PHF19: variants seen among roughly 807,000 people sequenced by gnomAD.
PHF19 encodes the protein PHD finger protein 19.
A neutral mutation model predicts 79.8 loss-of-function variants in PHF19; 21 were observed. That is an observed-to-expected ratio of 0.26 (90% confidence interval 0.19 to 0.38). The LOEUF (loss-of-function observed/expected upper bound fraction) is 0.38, where lower values mean the gene tolerates loss of function less well. PHF19 is among the 10% of genes least tolerant of loss of function. PHF19 has a pLI of 1.00. For missense variants in PHF19, 445 were observed against 744.2 expected (o/e 0.60, Z 4.68); for synonymous variants, 273 against 296.3 (o/e 0.92, Z 0.81).
chr9:120,891,804 A>T lies in PHF19; in HGVS notation c.42+2984T>A, dbSNP rs999534026. Reference sequence around the variant, plus strand: ...GGAAGCATCACAGTCACCTGGTAGAAGGATGCCTGTCTGAGCCCCACCCCA... The same window carrying T: ...GGAAGCATCACAGTCACCTGGTAGATGGATGCCTGTCTGAGCCCCACCCCA... On this transcript the variant is annotated intron_variant, in intron 1 of 14. Coordinates refer to the PHF19 transcript ENST00000616568. This position sits in a 1 kb window ranked among gnomAD's most constrained non-coding sequence, Gnocchi z 4.3. Among the ~76,000 whole-genome samples, 1 of 152,304 alleles carries T rather than the reference A, an allele frequency of 6.6e-6. No individual in the cohort carries two copies. Among genetic ancestry groups the T allele is most frequent in the East Asian group, 1.9e-4 (1 of 5,180 alleles).
rs2045392772 is a variant in PHF19 at position 120,857,770 on chromosome 9, C to A, written c.*174G>T. On this transcript the variant is annotated 3_prime_UTR_variant, in exon 15 of 15. Transcript: ENST00000373896. ...AGGAGGCCCTGGAACAGAGCTGGTA[C>A]AGCAGAGAGACGCAGGCCTTGGCCT... 7.0e-6 allele frequency: 4 copies of A among 569,174 alleles called. No homozygotes were observed. The highest frequency in any genetic ancestry group is 1.3e-5 in the Non-Finnish European group (4 of 319,954). 35.3% of individuals were successfully genotyped at this position (569,174 alleles called of 1,614,324 possible).
upstream of PHF19, chr9:120,877,373 G>A (rs1264798909): frequency 1.9e-4 from 191 of 980,680 alleles, 2 homozygotes; most frequent in South Asian, 7.6e-3. Context: ...GTAATTAGCG[G>A]GGGCCGCGCC....
At chr9:120,865,251 T>C (rs112314932) in intron 9 of PHF19, among the ~76,000 whole-genome samples, 2 of 152,202 alleles carry the variant, frequency 1.3e-5, no homozygotes, top group African/African-American at 4.8e-5. Flanking sequence ...TGGCTCCAGC[T>C]CTGGCTCAGC....
chr9:120,864,289 A>T (rs1340261658), intron 9 of PHF19, among the ~76,000 whole-genome samples, 173 bp from the exon 10 acceptor site: 1 of 152,194 alleles, frequency 6.6e-6, no homozygotes, highest in African/African-American at 2.4e-5. Flanking sequence ...GTTCATTCCC[A>T]TTTGTAAATG....
intron 6 of PHF19, chr9:120,868,314 A>G (rs1351909918): frequency 6.6e-6 from 1 of 152,252 alleles, no homozygotes; most frequent in Non-Finnish European, 1.5e-5. Flanking sequence ...ACTTTCATGC[A>G]TTAGTACCAC....
chr9:120,874,482 G>T lies in PHF19; in HGVS notation c.186+74C>A. 2.0e-6 allele frequency: 2 copies of T among 1,019,138 alleles called. No homozygotes were observed. The highest frequency in any genetic ancestry group is 3.0e-6 in the Non-Finnish European group (2 of 664,422). 63.1% of individuals were successfully genotyped at this position (1,019,138 alleles called of 1,614,324 possible). On this transcript the variant is annotated intron_variant, in intron 2 of 14. Transcript: ENST00000373896. This position sits in a 1 kb window ranked among gnomAD's most constrained non-coding sequence, Gnocchi z 4.5. ...TCTCCAGCAATCCCCCTGCCCCCTG[G>T]TCTGACAGCCAGGCTGGAACATGAG...
At chr9:120,859,514 C>T (rs1474367818) in intron 14 of PHF19, among the ~76,000 whole-genome samples, 1 of 152,202 alleles carries the variant, frequency 6.6e-6, no homozygotes, top group Admixed American at 6.5e-5. Flanking sequence ...TGCTCGACCA[C>T]TCCCCGTACT....
intron 3 of PHF19, among the ~76,000 whole-genome samples, chr9:120,871,794 CT>C (rs2045902378): frequency 1.3e-5 from 2 of 152,096 alleles, no homozygotes; most frequent in Admixed American, 1.3e-4. Context: ...AATCCCAGCA[CT>C]TTGGGAGGCC....
chr9:120,883,020 T>C (rs188188633), intron 1 of PHF19, among the ~76,000 whole-genome samples: 1 of 152,200 alleles, frequency 6.6e-6, no homozygotes, highest in East Asian at 1.9e-4. Context: ...CATGGAGGTG[T>C]AGAGAGTTTT....
chr9:120,873,908 A>G, intron 3 of PHF19, 71 bp downstream of exon 3: 1 of 779,692 alleles, frequency 1.3e-6, no homozygotes, highest in Non-Finnish European at 2.3e-6. Flanking sequence ...GACAGAAGGA[A>G]GAAATGAAGG....
chr9:120,869,353 G>C lies in PHF19; in HGVS notation c.466-23C>G, dbSNP rs1218867004. 6.2e-7 allele frequency: 1 copy of C among 1,608,588 alleles called. No individual in the cohort carries two copies. On this transcript the variant is annotated intron_variant, in intron 5 of 14. Transcript: ENST00000373896. The surrounding 1 kb of genome is among the most constrained non-coding windows in gnomAD (Gnocchi z 5.8). Reference sequence around the variant, plus strand: ...TTTCTGGGGGGAGACGAGGGCCCCAGTCAACCACCAGGTCCGGGTGGACCA... The same window carrying C: ...TTTCTGGGGGGAGACGAGGGCCCCACTCAACCACCAGGTCCGGGTGGACCA...
upstream of PHF19, among the ~76,000 whole-genome samples, chr9:120,898,830 G>C (rs2046420331): frequency 6.6e-6 from 1 of 152,180 alleles, no homozygotes; most frequent in African/African-American, 2.4e-5. Flanking sequence ...TTTTATGAAA[G>C]TTTCATGGAG....
At chr9:120,901,467 T>G in the PHF19 span, among the ~76,000 whole-genome samples, 1 of 152,192 alleles carries the variant, frequency 6.6e-6, no homozygotes, top group Non-Finnish European at 1.5e-5. Flanking sequence ...AGTGCTGGGA[T>G]TACAGGTGTG....
intron 6 of PHF19, among the ~76,000 whole-genome samples, chr9:120,867,633 A>T (rs1208420723): frequency 1.3e-5 from 2 of 152,234 alleles, no homozygotes; most frequent in Non-Finnish European, 2.9e-5. Context: ...CTCTGCCCAT[A>T]GGCGTTGAGA....
intron 8 of PHF19, 94 bp from the exon 9 acceptor site, chr9:120,865,924 A>G (rs999051727): frequency 1.0e-5 from 16 of 1,594,472 alleles, no homozygotes; most frequent in Non-Finnish European, 1.3e-5. Flanking sequence ...AGACAGGGGC[A>G]GGGTTGGGAC....
intron 14 of PHF19, among the ~76,000 whole-genome samples, chr9:120,858,538 C>T (rs1299095131): frequency 1.3e-5 from 2 of 152,112 alleles, no homozygotes; most frequent in Non-Finnish European, 2.9e-5. Context: ...ACTGAGGGTC[C>T]AGAGGAGAAA....
chr9:120,859,862 G>C (rs570747220), intron 14 of PHF19, among the ~76,000 whole-genome samples: 36 of 152,296 alleles, frequency 2.4e-4, no homozygotes, highest in African/African-American at 8.4e-4. Context: ...ATTCCAAAGG[G>C]ATGGAACCAC....
rs2045571665 is a variant in PHF19 at position 120,862,758 on chromosome 9, G to A, written c.969-9C>T. ...CCTTGCCGCAGAGGAACCTGGGGGT[G>A]GGCAGTGGGAGGAAGAAGCTCTGGA... On this transcript the variant is annotated splice_polypyrimidine_tract_variant and intron_variant, in intron 10 of 14. Transcript: ENST00000373896. This position sits in a 1 kb window ranked among gnomAD's most constrained non-coding sequence, Gnocchi z 4.6. The A allele has an allele frequency of 1.2e-6, 2 of 1,613,686 alleles. No individual in the cohort carries two copies. The highest frequency in any genetic ancestry group is 1.7e-6 in the Non-Finnish European group (2 of 1,179,788).
rs74664579 is a variant in PHF19, at chr9:120,867,883, C to G, written c.615-918G>C. Among the ~76,000 whole-genome samples the G allele has an allele frequency of 9.1e-3, 1,386 of 152,252 alleles. 18 individuals are homozygous for G. The highest frequency in any genetic ancestry group is 0.032 in the African/African-American group (1,316 of 41,518). On this transcript the variant is annotated intron_variant, in intron 6 of 14. Transcript: ENST00000373896. ...ACATCTGTGGTTCCTTCCACAATGC[C>G]ACGTGCACTCAGCCCAAAGAAGCAA...
Sources: allele counts gnomAD v4.1 joint callset (sites outside exome capture counted in the v4.1 genomes callset), GRCh38; gene constraint gnomAD v4.1.1; non-coding constraint Gnocchi (gnomAD v3.1); transcripts MANE v1.5; gene names NCBI Gene and HGNC (gene_info 2026-07-23, HGNC 2026-07-21).